Variants in SLC38A4 observed in about 807,000 individuals in gnomAD.
The protein encoded by SLC38A4 is solute carrier family 38 member 4, also known as sodium-coupled neutral amino acid transporter 4.
In SLC38A4, 20 loss-of-function variants were observed where a neutral mutation model predicts 63.1. The ratio of observed to expected loss-of-function variants is 0.32; its 90% CI spans 0.22 to 0.46. The LOEUF is 0.46. Among genes scored for constraint, SLC38A4 ranks in the 20% least tolerant of loss-of-function variants. SLC38A4 has a pLI of 1.00. For missense variants in SLC38A4, 526 were observed against 663.6 expected, an observed-to-expected ratio of 0.79 and a Z score of 2.28; for synonymous variants, 230 against 225.5, an observed-to-expected ratio of 1.02 and a Z score of -0.18.
chr12:46,770,943 C>A (rs1349736891), intron 14 of SLC38A4, among the ~76,000 whole-genome samples: 1 of 152,010 alleles, frequency 6.6e-6, no homozygotes, highest in African/African-American at 2.4e-5. Flanking sequence ...AAAATTCAAG[C>A]TAAATAGCTT....
At chr12:46,808,282 A>T (rs561899043) in intron 1 of SLC38A4, among the ~76,000 whole-genome samples, 1 of 152,056 alleles carries the variant, frequency 6.6e-6, no homozygotes, top group South Asian at 2.1e-4. Flanking sequence ...ACCAAGTGAA[A>T]TGCAATGACC....
At chr12:46,792,049 G>C (rs1266594713) in intron 3 of SLC38A4, among the ~76,000 whole-genome samples, 1 of 152,072 alleles carries the variant, frequency 6.6e-6, no homozygotes, top group East Asian at 1.9e-4. Context: ...TATGGCTATT[G>C]GAGAGGTGCA....
In SLC38A4 at chr12:46,768,319, TTGGGGTGACC is replaced by T; in HGVS notation, c.1523_1532del (p.Arg508LysfsTer6). On this transcript the variant is annotated frameshift_variant, in exon 16 of 17. Coordinates refer to ENST00000266579, the MANE Select transcript of SLC38A4 (RefSeq NM_018018.5). LOFTEE classifies it high-confidence loss of function. ...TGCAAGGTTTACTTACCCCGACCTT[TTGGGGTGACC>T]TAAAAGTTTCTTTCTTGACAAGTTT... The T allele has an allele frequency of 6.2e-7, 1 of 1,609,870 alleles. No individual in the cohort carries two copies. Among genetic ancestry groups the T allele is most frequent in the Admixed American group, 1.7e-5 (1 of 59,722 alleles).
chr12:46,814,598 A>T (rs193105986), intron 1 of SLC38A4, among the ~76,000 whole-genome samples: 32 of 152,096 alleles, frequency 2.1e-4, no homozygotes, highest in Admixed American at 2.0e-3. Context: ...GTACCATTTG[A>T]TGTTGCTGAG....
chr12:46,804,644 A>G (rs984377617), intron 1 of SLC38A4, among the ~76,000 whole-genome samples: 19 of 152,064 alleles, frequency 1.2e-4, no homozygotes, highest in African/African-American at 4.6e-4. Flanking sequence ...AGTCGATGCA[A>G]GACATTAAAC....
At chr12:46,769,749 C>T (rs1255629417) in intron 14 of SLC38A4, among the ~76,000 whole-genome samples, 1 of 152,030 alleles carries the variant, frequency 6.6e-6, no homozygotes, top group East Asian at 1.9e-4. Context: ...GACACAAATA[C>T]TTACCATTAT....
At chr12:46,796,231 G>T (rs1938999697) in intron 2 of SLC38A4, among the ~76,000 whole-genome samples, 1 of 151,928 alleles carries the variant, frequency 6.6e-6, no homozygotes, top group Non-Finnish European at 1.5e-5. Flanking sequence ...CTAATAATTT[G>T]CTCTTATCCT....
intron 14 of SLC38A4, among the ~76,000 whole-genome samples, chr12:46,771,356 A>G (rs1269434655): frequency 9.2e-5 from 14 of 152,150 alleles, no homozygotes; most frequent in Admixed American, 5.9e-4. Flanking sequence ...GCTCATTTTC[A>G]GAGAATAGTC....
chr12:46,769,539 G>T, intron 14 of SLC38A4, 111 bp from the exon 15 acceptor site: 1 of 1,214,078 alleles, frequency 8.2e-7, no homozygotes, highest in Non-Finnish European at 1.1e-6. Context: ...TTTTTTCCCA[G>T]AAAAGATGTT....
At chr12:46,801,116 A>G (rs2120859221) in intron 2 of SLC38A4, among the ~76,000 whole-genome samples, 1 of 152,196 alleles carries the variant, frequency 6.6e-6, no homozygotes, top group Admixed American at 6.5e-5. Flanking sequence ...AATTCAATTG[A>G]CTCTTCATGA....
In SLC38A4 at chr12:46,766,643, C is replaced by A. The variant is rs1938306123; in HGVS notation, c.*58G>T. 2 of 1,113,698 alleles carry A rather than the reference C, an allele frequency of 1.8e-6. No homozygotes were observed. The highest frequency in any genetic ancestry group is 4.9e-5 in the East Asian group (2 of 40,764). The allele number at this position is 1,113,698 out of a possible 1,614,324, so 69.0% of individuals were successfully genotyped here. ...ATTCCAATCAAGATAATTCAAATATCTTTTGGAGTATAACTTGTAACCATT... is the reference window on the plus strand; with the variant it reads ...ATTCCAATCAAGATAATTCAAATATATTTTGGAGTATAACTTGTAACCATT... On this transcript the variant is annotated 3_prime_UTR_variant, in exon 17 of 17. Coordinates refer to ENST00000266579, the MANE Select transcript of SLC38A4 (RefSeq NM_018018.5).
At chr12:46,805,748 G>A (rs576982123) in intron 1 of SLC38A4, among the ~76,000 whole-genome samples, 1 of 152,056 alleles carries the variant, frequency 6.6e-6, no homozygotes, top group Non-Finnish European at 1.5e-5. Flanking sequence ...CCTTAAAAAT[G>A]AATAAAATGA....
chr12:46,805,426 T>A (rs529925400), intron 1 of SLC38A4, among the ~76,000 whole-genome samples: 2 of 152,176 alleles, frequency 1.3e-5, no homozygotes, highest in Admixed American at 6.6e-5. Flanking sequence ...GTTCATCATT[T>A]GACTATTTTT....
intron 1 of SLC38A4, among the ~76,000 whole-genome samples, chr12:46,806,537 T>C (rs1448512610): frequency 6.6e-6 from 1 of 151,926 alleles, no homozygotes; most frequent in Non-Finnish European, 1.5e-5. Flanking sequence ...GAAGGAAAGG[T>C]AGATGGACAA....
rs770306059 is a variant in SLC38A4 at position 46,784,596 on chromosome 12, C to A, written c.439G>T (p.Gly147Ter). ...AAAGCTCCAATTTTTCCCGGCCATC[C>A]AAATGCCTTTTCTCCTAATTTTTCA... ...IYEKLGEKAF[G>*]WPGKIGAFVS... Residue 147 changes from glycine (G) to a stop codon, truncating the protein, a stop_gained, in exon 7 of 17, where the codon GGA becomes TGA. Coordinates refer to ENST00000266579, the MANE Select transcript of SLC38A4 (RefSeq NM_018018.5). LOFTEE classifies it high-confidence loss of function. 1 of 1,612,900 alleles carries A rather than the reference C, an allele frequency of 6.2e-7. No individual in the cohort carries two copies. Among genetic ancestry groups the A allele is most frequent in the Non-Finnish European group, 8.5e-7 (1 of 1,179,316 alleles).
intron 14 of SLC38A4, 106 bp from the exon 15 acceptor site, chr12:46,769,534 TC>T: frequency 7.8e-7 from 1 of 1,276,104 alleles, no homozygotes; most frequent in Non-Finnish European, 1.1e-6. Context: ...TTTTCTTTTT[TC>T]CCAGAAAAGA....
In SLC38A4 at chr12:46,766,265, G is replaced by C. The variant is rs1260449416; in HGVS notation, c.*436C>G. ...AGACTTTGGTGCAAGACTGAGAGAA[G>C]ACATTAAATGGTGATAGCTTTGCCA... On this transcript the variant is annotated 3_prime_UTR_variant, in exon 17 of 17. Coordinates refer to ENST00000266579, the MANE Select transcript of SLC38A4 (RefSeq NM_018018.5). 3.4e-5 allele frequency: 14 copies of C among 408,500 alleles called. No individual in the cohort carries two copies. Among genetic ancestry groups the C allele is most frequent in the South Asian group, 2.5e-4 (14 of 55,846 alleles). 25.3% of individuals were successfully genotyped at this position (408,500 alleles called of 1,614,324 possible). A position where few individuals can be genotyped will look rare whatever the true frequency, so the allele number is the denominator to read the frequency against.
chr12:46,817,441 A>T (rs140960561), intron 1 of SLC38A4, among the ~76,000 whole-genome samples: 72 of 151,938 alleles, frequency 4.7e-4, no homozygotes, highest in Admixed American at 3.9e-4. Context: ...TAATTGACCT[A>T]CTAGGTCTAG....
At chr12:46,804,061 T>C (rs1214376569) in intron 1 of SLC38A4, among the ~76,000 whole-genome samples, 1 of 152,102 alleles carries the variant, frequency 6.6e-6, no homozygotes, top group Admixed American at 6.6e-5. Flanking sequence ...TGAGGTCAGA[T>C]TGTTTAATGA....
Sources: gnomAD v4.1 joint callset for allele counts (sites outside exome capture counted in the v4.1 genomes callset) on GRCh38, gnomAD v4.1.1 for gene constraint, MANE v1.5 for transcripts, NCBI Gene and HGNC (gene_info 2026-07-23, HGNC 2026-07-21) for gene names.